DRC11L: variants seen among roughly 807,000 people sequenced by gnomAD.
DRC11L encodes the protein dynein regulatory complex subunit 11 like.
chr7:151,204,684 C>T, the DRC11L span: 4 of 398,904 alleles, frequency 1.0e-5, no homozygotes, highest in Admixed American at 1.3e-4. Context: ...GTCGAAGCGG[C>T]GCAGCAGCCC....
chr7:151,193,821 G>T, the DRC11L span, among the ~76,000 whole-genome samples: 1 of 151,740 alleles, frequency 6.6e-6, no homozygotes, highest in African/African-American at 2.4e-5. Context: ...GAACTGAAAG[G>T]CACGGGACAC....
At chr7:151,195,563 C>T in the DRC11L span, 1 of 399,384 alleles carries the variant, frequency 2.5e-6, no homozygotes, top group East Asian at 3.6e-5. Flanking sequence ...CAGCCCCAGC[C>T]CCTCATCTTG....
the DRC11L span, chr7:151,191,520 T>G: frequency 2.5e-6 from 1 of 397,774 alleles, no homozygotes; most frequent in East Asian, 3.6e-5. Context: ...CCACACACAT[T>G]TCCACTGATT....
chr7:151,203,396 T>C, the DRC11L span: 1 of 399,264 alleles, frequency 2.5e-6, no homozygotes, highest in Non-Finnish European at 4.4e-6. Flanking sequence ...CCCGTTTACC[T>C]TCTGGGAGGA....
the DRC11L span, chr7:151,193,510 C>A: frequency 8.3e-5 from 33 of 399,218 alleles, no homozygotes; most frequent in Non-Finnish European, 1.3e-4. Context: ...AGGAAATGGG[C>A]CAGAGCCAGG....
chr7:151,191,663 TAC>T, the DRC11L span: 2 of 399,190 alleles, frequency 5.0e-6, no homozygotes, highest in Non-Finnish European at 8.8e-6. Flanking sequence ...CTCCTCCCTG[TAC>T]ACTGGATCCA....
At chr7:151,194,640 G>A in the DRC11L span, 1 of 399,266 alleles carries the variant, frequency 2.5e-6, no homozygotes, top group Non-Finnish European at 4.4e-6. Flanking sequence ...CACCACAAGG[G>A]ACATTAGCAA....
At chr7:151,202,960 T>A in the DRC11L span, 1 of 399,644 alleles carries the variant, frequency 2.5e-6, no homozygotes, top group Non-Finnish European at 4.4e-6. Flanking sequence ...GTGCCATCCA[T>A]CCTCCCGAAT....
the DRC11L span, among the ~76,000 whole-genome samples, chr7:151,199,906 A>G: frequency 4.6e-5 from 7 of 152,068 alleles, no homozygotes; most frequent in Non-Finnish European, 4.4e-5. This position sits in a 1 kb window ranked among gnomAD's most constrained non-coding sequence, Gnocchi z 5.2. Context: ...AGGCCTACTC[A>G]CTTTGGCCAG....
the DRC11L span, chr7:151,196,334 A>T: frequency 3.3e-5 from 13 of 397,934 alleles, no homozygotes; most frequent in African/African-American, 6.2e-5. Flanking sequence ...TGTTCAGGAC[A>T]AGAGAGAGGC....
At chr7:151,195,684 G>T in the DRC11L span, 4 of 399,228 alleles carry the variant, frequency 1.0e-5, no homozygotes, top group South Asian at 1.3e-4. Flanking sequence ...GAGGTGTGGC[G>T]GGGTGGCCTG....
chr7:151,202,888 T>C, the DRC11L span: 1 of 399,556 alleles, frequency 2.5e-6, no homozygotes, highest in Non-Finnish European at 4.4e-6. Flanking sequence ...ACCCTGACCC[T>C]CCTCCTGGGC....
chr7:151,205,167 G>T, the DRC11L span, among the ~76,000 whole-genome samples: 1 of 152,154 alleles, frequency 6.6e-6, no homozygotes, highest in Admixed American at 6.5e-5. Flanking sequence ...CCCTCCAGGT[G>T]TGGGGCAGCC....
At chr7:151,191,719 C>T in the DRC11L span, 30 of 399,208 alleles carry the variant, frequency 7.5e-5, no homozygotes, top group African/African-American at 3.3e-4. Flanking sequence ...CCAGGGGCCG[C>T]TTGGACAGTT....
chr7:151,190,974 T>C, the DRC11L span: 1 of 400,276 alleles, frequency 2.5e-6, no homozygotes, highest in Non-Finnish European at 4.4e-6. Flanking sequence ...CCGCAAGCCT[T>C]AGCCATCACT....
the DRC11L span, among the ~76,000 whole-genome samples, chr7:151,191,277 AAGCCCTCTTCCCTCCACACCTGC>A: frequency 1.3e-5 from 2 of 152,026 alleles, no homozygotes; most frequent in Non-Finnish European, 2.9e-5. Flanking sequence ...CTTAGTGGGC[AAGCCCTCTTCCCTCCACACCTGC>A]AGCCCTCTCT....
the DRC11L span, chr7:151,204,823 G>A: frequency 2.5e-6 from 1 of 399,118 alleles, no homozygotes; most frequent in African/African-American, 2.1e-5. Flanking sequence ...GACTCCCAGA[G>A]GCGCTGGTAA....
At chr7:151,197,893 G>A in the DRC11L span, 4 of 399,062 alleles carry the variant, frequency 1.0e-5, no homozygotes, top group East Asian at 7.1e-5. Context: ...TCAGGGAACC[G>A]GCCAGTAAGG....
At chr7:151,192,624 G>A in the DRC11L span, 1 of 398,754 alleles carries the variant, frequency 2.5e-6, no homozygotes, top group Non-Finnish European at 4.4e-6. Context: ...AGGAGTAGAG[G>A]GGCATGTGCA....
Sources: allele counts gnomAD v4.1 joint callset (sites outside exome capture counted in the v4.1 genomes callset), GRCh38; gene constraint gnomAD v4.1.1; non-coding constraint Gnocchi (gnomAD v3.1); transcripts MANE v1.5; gene names NCBI Gene and HGNC (gene_info 2026-07-23, HGNC 2026-07-21).